Variants in LSAMP observed in about 807,000 individuals in gnomAD.
LSAMP encodes limbic system-associated membrane protein.
In LSAMP, 7 loss-of-function variants were observed where a neutral mutation model predicts 38.6. That is an observed-to-expected ratio of 0.18 (90% confidence interval 0.10 to 0.34). LSAMP has a LOEUF of 0.34. Ranked by LOEUF, LSAMP falls within the 10% of genes least tolerant of loss-of-function variation. The pLI is 1.00. For missense variants in LSAMP, 313 were observed against 420.0 expected (o/e 0.75, Z 2.23); for synonymous variants, 154 against 166.8 (o/e 0.92, Z 0.59).
chr3:116,126,598 A>G (rs1709013708), intron 1 of LSAMP, among the ~76,000 whole-genome samples: 1 of 152,090 alleles, frequency 6.6e-6, no homozygotes, highest in African/African-American at 2.4e-5. Context: ...GCAGTGGCTC[A>G]TGCATGTAAT....
At chr3:115,933,002 T>A (rs1553750434) in intron 3 of LSAMP, among the ~76,000 whole-genome samples, 1 of 152,058 alleles carries the variant, frequency 6.6e-6, no homozygotes, top group Non-Finnish European at 1.5e-5. Flanking sequence ...GAGCATCAAC[T>A]CATAATGTTT....
At chr3:116,399,711 A>G (rs1267889813) in intron 1 of LSAMP, among the ~76,000 whole-genome samples, 1 of 152,192 alleles carries the variant, frequency 6.6e-6, no homozygotes, top group African/African-American at 2.4e-5. Context: ...AGTCAAGGAG[A>G]GAAAGAATTC....
In LSAMP at chr3:116,445,231, A is replaced by C; in HGVS notation, c.-200T>G. Reference sequence around the variant, plus strand: ...TCTAAGACTTAACAAAGCCCTCATAAAACCCAAGCAGAAGGGTGAAAAGTA... The same window carrying C: ...TCTAAGACTTAACAAAGCCCTCATACAACCCAAGCAGAAGGGTGAAAAGTA... On this transcript the variant is annotated 5_prime_UTR_variant, in exon 1 of 7. Transcript: ENST00000490035. The C allele has an allele frequency of 3.4e-6, 2 of 596,930 alleles. No homozygotes were observed. The highest frequency in any genetic ancestry group is 5.9e-6 in the Non-Finnish European group (2 of 336,436). 37.0% of individuals were successfully genotyped at this position (596,930 alleles called of 1,614,324 possible).
chr3:115,810,631 A>G (rs954853378), intron 6 of LSAMP, among the ~76,000 whole-genome samples: 13 of 152,194 alleles, frequency 8.5e-5, no homozygotes, highest in African/African-American at 3.1e-4. Context: ...TGGCTGAAAC[A>G]CTTCTAAATA....
chr3:116,304,236 T>C (rs1302220195), intron 1 of LSAMP, among the ~76,000 whole-genome samples: 3 of 152,052 alleles, frequency 2.0e-5, no homozygotes, highest in Non-Finnish European at 4.4e-5. Context: ...AAAGATTTAA[T>C]CCAATATGCT....
intron 3 of LSAMP, among the ~76,000 whole-genome samples, chr3:115,927,702 A>G (rs1350864776): frequency 6.6e-6 from 1 of 152,082 alleles, no homozygotes; most frequent in African/African-American, 2.4e-5. Flanking sequence ...GCATATGCTC[A>G]CTTCAGGGCT....
chr3:116,382,096 C>G (rs1412598828), intron 1 of LSAMP, among the ~76,000 whole-genome samples: 4 of 152,182 alleles, frequency 2.6e-5, no homozygotes, highest in Non-Finnish European at 5.9e-5. Flanking sequence ...GTCAGTGTGG[C>G]AAATTCCTCA....
At chr3:116,349,445 T>G (rs1249687571) in intron 1 of LSAMP, among the ~76,000 whole-genome samples, 1 of 149,830 alleles carries the variant, frequency 6.7e-6, no homozygotes, top group East Asian at 2.0e-4. Flanking sequence ...TACTTTAAAT[T>G]AAAAAAGAAA....
chr3:116,207,607 C>A (rs1244176686), intron 1 of LSAMP, among the ~76,000 whole-genome samples: 1 of 151,766 alleles, frequency 6.6e-6, no homozygotes, highest in Admixed American at 6.6e-5. Flanking sequence ...CTGGTGGTGA[C>A]AAAATCTCTC....
intron 2 of LSAMP, among the ~76,000 whole-genome samples, chr3:116,038,346 T>C (rs1941094505): frequency 6.6e-6 from 1 of 152,082 alleles, no homozygotes; most frequent in African/African-American, 2.4e-5. Context: ...GATTGGAACA[T>C]CAGAAATAGT....
rs1226870070 is a variant in LSAMP, at chr3:115,809,885, A to C, written c.*432T>G. 6.6e-6 allele frequency: 1 copy of C among 150,884 alleles called. No individual in the cohort carries two copies. Among genetic ancestry groups the C allele is most frequent in the African/African-American group, 2.7e-5 (1 of 37,378 alleles). 9.3% of individuals were successfully genotyped at this position (150,884 alleles called of 1,614,324 possible). A position where few individuals can be genotyped will look rare whatever the true frequency, so the allele number is the denominator to read the frequency against. On this transcript the variant is annotated 3_prime_UTR_variant, in exon 7 of 7. Transcript: ENST00000490035. ...AATAGAATTAAAAGGTTATGGAAAT[A>C]TAAACACCAAAGGCAAGACCTTATT...
intron 1 of LSAMP, among the ~76,000 whole-genome samples, chr3:116,238,056 C>A (rs768238845): frequency 6.6e-6 from 1 of 152,110 alleles, no homozygotes; most frequent in Non-Finnish European, 1.5e-5. Flanking sequence ...GTTGTGGTAA[C>A]CAAAAATGTC....
At chr3:116,307,703 G>T (rs77579427) in intron 1 of LSAMP, among the ~76,000 whole-genome samples, 7,941 of 151,710 alleles carry the variant, frequency 0.052, 282 homozygotes, top group Non-Finnish European at 0.079. Flanking sequence ...CAATAAGATG[G>T]GTTTCTGTAC....
chr3:115,858,558 T>C (rs931825835), intron 3 of LSAMP, among the ~76,000 whole-genome samples: 5 of 152,178 alleles, frequency 3.3e-5, no homozygotes, highest in African/African-American at 1.2e-4. Flanking sequence ...GATCAATCTT[T>C]CACAGATAGG....
At position 115,803,907 on chromosome 3, in the gene LSAMP, A is replaced by C. The variant is rs749235936; in HGVS notation, c.*6410T>G. 6.6e-6 allele frequency: 1 copy of C among 152,200 alleles called. No individual in the cohort carries two copies. Among genetic ancestry groups the C allele is most frequent in the Non-Finnish European group, 1.5e-5 (1 of 68,034 alleles). The allele number at this position is 152,200 out of a possible 1,614,324, so 9.4% of individuals were successfully genotyped here. A position where few individuals can be genotyped will look rare whatever the true frequency, so the allele number is the denominator to read the frequency against. ...ACTTGGCCCAGGATGACAGAAAACT[A>C]ATGTTTCCTTTCTTATGCACAATGT... On this transcript the variant is annotated 3_prime_UTR_variant, in exon 7 of 7. Transcript: ENST00000490035.
rs1933662426 is a variant in LSAMP, at chr3:115,807,755, C to A, written c.*2562G>T. Reference sequence around the variant, plus strand: ...AATGCTTATTATTAAAGATGATACCCTTTATTCTTGAACTAAGAAGACCAA... The same window carrying A: ...AATGCTTATTATTAAAGATGATACCATTTATTCTTGAACTAAGAAGACCAA... On this transcript the variant is annotated 3_prime_UTR_variant, in exon 7 of 7. Transcript: ENST00000490035. 6.6e-6 allele frequency: 1 copy of A among 152,134 alleles called. No homozygotes were observed. The highest frequency in any genetic ancestry group is 6.5e-5 in the Admixed American group (1 of 15,282). The allele number at this position is 152,134 out of a possible 1,614,324, so 9.4% of individuals were successfully genotyped here. A position where few individuals can be genotyped will look rare whatever the true frequency, so the allele number is the denominator to read the frequency against.
chr3:116,071,974 C>CTT (rs34359160), intron 2 of LSAMP, among the ~76,000 whole-genome samples: 77 of 130,086 alleles, frequency 5.9e-4, no homozygotes, highest in African/African-American at 7.2e-4. Flanking sequence ...GTATATGTAG[C>CTT]TTTTTTTTTT....
At chr3:116,133,331 C>A (rs1451956530) in intron 1 of LSAMP, among the ~76,000 whole-genome samples, 1 of 151,840 alleles carries the variant, frequency 6.6e-6, no homozygotes, top group Non-Finnish European at 1.5e-5. Context: ...CACTCTGTCA[C>A]CCAGGCTGGA....
chr3:116,269,644 AC>A (rs1421137430), intron 1 of LSAMP, among the ~76,000 whole-genome samples: 1 of 152,100 alleles, frequency 6.6e-6, no homozygotes, highest in Non-Finnish European at 1.5e-5. Flanking sequence ...TATCATCCAA[AC>A]CAGGACGCTT....
Sources: gnomAD v4.1 joint callset for allele counts (sites outside exome capture counted in the v4.1 genomes callset) on GRCh38, gnomAD v4.1.1 for gene constraint, MANE v1.5 for transcripts, NCBI Gene and HGNC (gene_info 2026-07-23, HGNC 2026-07-21) for gene names.